The following IGLL5 variants were observed in gnomAD, a reference collection of about 807,000 sequenced individuals.
The protein encoded by IGLL5 is immunoglobulin lambda-like polypeptide 5.
Under a neutral mutation model 20.9 loss-of-function variants are expected in IGLL5, and 30 were observed. The ratio of observed to expected loss-of-function variants is 1.44; its 90% confidence interval spans 1.07 to 1.95. The LOEUF is 1.95. Among genes scored for constraint, IGLL5 ranks in the 30% most tolerant of loss-of-function variants. IGLL5 has a pLI of 0.00. For synonymous variants in IGLL5, 203 were observed against 117.3 expected, an observed-to-expected ratio of 1.73 and a Z score of -4.72; for missense variants, 475 against 270.7, an observed-to-expected ratio of 1.75 and a Z score of -5.30.
At chr22:22,889,957 T>C (rs1381406164) in intron 1 of IGLL5, among the ~76,000 whole-genome samples, 1 of 151,148 alleles carries the variant, frequency 6.6e-6, no homozygotes, top group Admixed American at 6.6e-5. Flanking sequence ...TAGAAAAATG[T>C]CAATGGTGTG....
In IGLL5 at chr22:22,888,181, T is replaced by A. The variant is rs188930549; in HGVS notation, c.128T>A (p.Val43Asp). ...MVAHGLLRPM[V>D]APQSGDPDPG... Reference sequence around the variant, plus strand: ...GCCCATGGCCTGCTGCGCCCAATGGTTGCACCGCAAAGCGGGGACCCAGAC... The same window carrying A: ...GCCCATGGCCTGCTGCGCCCAATGGATGCACCGCAAAGCGGGGACCCAGAC... Residue 43 changes from valine (V) to aspartate (D), a missense_variant, in exon 1 of 3, where the codon GTT becomes GAT. By Grantham distance (152) the Val-to-Asp change is radical. Coordinates refer to ENST00000526893, the MANE Select transcript of IGLL5 (RefSeq NM_001178126.2). 7 of 1,548,818 alleles carry A rather than the reference T, an allele frequency of 4.5e-6. No homozygotes were observed. Among genetic ancestry groups the A allele is most frequent in the East Asian group, 2.5e-5 (1 of 40,614 alleles).
At chr22:22,889,046 G>T (rs2067679619) in intron 1 of IGLL5, among the ~76,000 whole-genome samples, 1 of 151,444 alleles carries the variant, frequency 6.6e-6, no homozygotes, top group African/African-American at 2.4e-5. Flanking sequence ...ACCATTCCCA[G>T]TCCAGGACGA....
At chr22:22,891,482 G>A (rs2067845538) in intron 1 of IGLL5, among the ~76,000 whole-genome samples, 1 of 151,030 alleles carries the variant, frequency 6.6e-6, no homozygotes, top group Non-Finnish European at 1.5e-5. Flanking sequence ...ACCCGTCATT[G>A]TTACTTTTTC....
intron 1 of IGLL5, among the ~76,000 whole-genome samples, chr22:22,888,961 G>T: frequency 6.6e-6 from 1 of 151,460 alleles, no homozygotes; most frequent in Admixed American, 6.6e-5. Flanking sequence ...CGTCAGAGGA[G>T]AGGAGAGCAC....
At chr22:22,894,191 G>C (rs2067995518) in intron 2 of IGLL5, among the ~76,000 whole-genome samples, 1 of 151,528 alleles carries the variant, frequency 6.6e-6, no homozygotes, top group South Asian at 2.1e-4. Context: ...GCTGGGGTGG[G>C]CCTGGGAGCT....
chr22:22,889,419 T>C (rs559761696), intron 1 of IGLL5, among the ~76,000 whole-genome samples: 1 of 151,258 alleles, frequency 6.6e-6, no homozygotes, highest in African/African-American at 2.4e-5. Context: ...ACTGGGCAAT[T>C]CCACTTCTAG....
intron 2 of IGLL5, among the ~76,000 whole-genome samples, chr22:22,894,704 C>T (rs565175175): frequency 6.6e-6 from 1 of 151,406 alleles, no homozygotes; most frequent in East Asian, 2.0e-4. Flanking sequence ...GTCTCATAGT[C>T]TGTGGGAGCA....
chr22:22,894,344 G>A (rs2068019747), intron 2 of IGLL5, among the ~76,000 whole-genome samples: 2 of 151,516 alleles, frequency 1.3e-5, no homozygotes, highest in South Asian at 2.1e-4. Flanking sequence ...AGGGCACAGA[G>A]AGGGCTCTGG....
chr22:22,893,624 G>C (rs2067916779), intron 1 of IGLL5, 76 bp from the exon 2 acceptor site: 2 of 850,344 alleles, frequency 2.4e-6, no homozygotes, highest in Non-Finnish European at 3.8e-6. Flanking sequence ...CACCTCTAGG[G>C]GGCTGGCCAC....
At chr22:22,894,017 T>C (rs577903429) in intron 2 of IGLL5, among the ~76,000 whole-genome samples, 199 bp downstream of exon 2, 4 of 151,540 alleles carry the variant, frequency 2.6e-5, no homozygotes, top group Admixed American at 1.3e-4. Flanking sequence ...AGCAGCCGGA[T>C]GCAGCCTGGT....
At chr22:22,889,010 A>C (rs532649171) in intron 1 of IGLL5, among the ~76,000 whole-genome samples, 3 of 151,364 alleles carry the variant, frequency 2.0e-5, no homozygotes, top group African/African-American at 4.8e-5. Flanking sequence ...TGGGAAGGGG[A>C]GGCAAGAAGA....
intron 1 of IGLL5, among the ~76,000 whole-genome samples, chr22:22,889,013 C>G (rs2067675845): frequency 6.6e-6 from 1 of 151,330 alleles, no homozygotes; most frequent in African/African-American, 2.4e-5. Context: ...GAAGGGGAGG[C>G]AAGAAGACCA....
At chr22:22,894,931 G>A (rs1265462223) in intron 2 of IGLL5, among the ~76,000 whole-genome samples, 7 of 151,394 alleles carry the variant, frequency 4.6e-5, no homozygotes, top group Non-Finnish European at 2.9e-5. Context: ...TGCCTGCCAG[G>A]ACAGTCCTAC....
chr22:22,887,868 G>C lies in IGLL5; in HGVS notation c.-186G>C. The C allele has an allele frequency of 1.6e-6, 1 of 631,564 alleles. No individual in the cohort carries two copies. The highest frequency in any genetic ancestry group is 2.8e-5 in the East Asian group (1 of 36,324). 39.1% of individuals were successfully genotyped at this position (631,564 alleles called of 1,614,324 possible). On this transcript the variant is annotated 5_prime_UTR_variant, in exon 1 of 3. Coordinates refer to ENST00000526893, the MANE Select transcript of IGLL5 (RefSeq NM_001178126.2). ...GCCCCTCTGGGAGAGATCCCCAGGG[G>C]TGACAGCCATGGACCCTGGAAGGGC... is the stretch of plus-strand genomic sequence containing the variant.
At chr22:22,890,226 A>C (rs1601611605) in intron 1 of IGLL5, among the ~76,000 whole-genome samples, 1 of 147,782 alleles carries the variant, frequency 6.8e-6, no homozygotes, top group South Asian at 2.2e-4. Flanking sequence ...TCTGCTTACC[A>C]TCTCTCACCT....
intron 1 of IGLL5, among the ~76,000 whole-genome samples, chr22:22,889,772 A>C (rs577414989): frequency 2.0e-5 from 3 of 151,276 alleles, no homozygotes; most frequent in South Asian, 4.2e-4. Context: ...TAGGATTATT[A>C]TTAGTTTAGA....
rs540605540 is a variant in IGLL5 at position 22,893,884 on chromosome 22, C to G, written c.325+66C>G. ...GCTGTCCCTGGAAAATCTGTTTTCT[C>G]TCTCTGGGGCTTCCTCCCCTCTGTC... is the stretch of plus-strand genomic sequence containing the variant. On this transcript the variant is annotated intron_variant, in intron 2 of 2. Coordinates refer to ENST00000526893, the MANE Select transcript of IGLL5 (RefSeq NM_001178126.2). The G allele has an allele frequency of 1.3e-5, 14 of 1,083,164 alleles. 1 individual carries two copies. The highest frequency in any genetic ancestry group is 6.3e-5 in the South Asian group (5 of 79,898). The allele number at this position is 1,083,164 out of a possible 1,614,324, so 67.1% of individuals were successfully genotyped here.
At chr22:22,893,976 GGT>G (rs2067960222) in intron 2 of IGLL5, among the ~76,000 whole-genome samples, 158 bp downstream of exon 2, 1 of 151,144 alleles carries the variant, frequency 6.6e-6, no homozygotes, top group Admixed American at 6.6e-5. Context: ...TTAGTCTCCG[GGT>G]AACCGGCAGG....
In IGLL5 at chr22:22,895,999, C is replaced by T. The variant is rs1342548407; in HGVS notation, c.*305C>T. On this transcript the variant is annotated 3_prime_UTR_variant, in exon 3 of 3. Transcript: ENST00000526893. ...GAGGGTCCTTCCTCTCCCAGTCACC[C>T]CTTCTCCAACTCTCCACTGTACCCC... 8 of 535,780 alleles carry T rather than the reference C, an allele frequency of 1.5e-5. No individual in the cohort carries two copies. The highest frequency in any genetic ancestry group is 6.3e-5 in the Admixed American group (2 of 31,576). The allele number at this position is 535,780 out of a possible 1,614,324, so 33.2% of individuals were successfully genotyped here. A position where few individuals can be genotyped will look rare whatever the true frequency, so the allele number is the denominator to read the frequency against.
Sources: allele counts gnomAD v4.1 joint callset (sites outside exome capture counted in the v4.1 genomes callset), GRCh38; gene constraint gnomAD v4.1.1; transcripts MANE v1.5; gene names NCBI Gene and HGNC (gene_info 2026-07-23, HGNC 2026-07-21).